Variants in JAK1 observed in about 807,000 individuals in gnomAD.
The protein encoded by JAK1 is Janus kinase 1.
A neutral mutation model predicts 136.6 loss-of-function variants in JAK1; 16 were observed. That is an observed-to-expected ratio of 0.12 (90% CI 0.08 to 0.18). JAK1 has a LOEUF of 0.18. Among genes scored for constraint, JAK1 ranks in the 10% least tolerant of loss-of-function variants. The pLI, the probability that JAK1 is intolerant of heterozygous loss-of-function variation, is 1.00. For missense variants in JAK1, 859 were observed against 1,450.1 expected, an observed-to-expected ratio of 0.59 and a Z score of 6.62; for synonymous variants, 492 against 519.5, an observed-to-expected ratio of 0.95 and a Z score of 0.72.
intron 1 of JAK1, among the ~76,000 whole-genome samples, chr1:64,936,799 C>T (rs1438609018): frequency 6.6e-6 from 1 of 152,096 alleles, no homozygotes; most frequent in Non-Finnish European, 1.5e-5. Context: ...GAGGCTAAGC[C>T]AACGTTTCTT....
rs1657212555 is a variant in JAK1, at chr1:64,873,610, C to G, written c.330-87G>C. 15 of 1,508,444 alleles carry G rather than the reference C, an allele frequency of 9.9e-6. No individual in the cohort carries two copies. In the Admixed American group the frequency reaches 2.6e-4, roughly 26 times the overall value. The allele number at this position is 1,508,444 out of a possible 1,614,324, so 93.4% of individuals were successfully genotyped here. A position where few individuals can be genotyped will look rare whatever the true frequency, so the allele number is the denominator to read the frequency against. The stretch of plus-strand genomic sequence containing the variant: ...CCTGGCTCACCAACAGTGGTCAGTG[C>G]CGGAGGCTGAAGTGCCCTGAGAAGC... On this transcript the variant is annotated intron_variant, in intron 4 of 24. Coordinates refer to ENST00000342505, the MANE Select transcript of JAK1 (RefSeq NM_002227.4).
intron 1 of JAK1, among the ~76,000 whole-genome samples, chr1:64,922,506 G>A (rs1408233277): frequency 6.6e-6 from 1 of 151,406 alleles, no homozygotes; most frequent in South Asian, 2.1e-4. Context: ...TTTTAAAGCT[G>A]ACTAGTAACA....
At chr1:64,936,179 G>A (rs573540564) in intron 1 of JAK1, among the ~76,000 whole-genome samples, 41 of 152,300 alleles carry the variant, frequency 2.7e-4, no homozygotes, top group Admixed American at 8.5e-4. Context: ...ACAGAGGAGA[G>A]GTGGAAGTTT....
intron 2 of JAK1, among the ~76,000 whole-genome samples, chr1:65,036,472 G>C (rs1019060571): frequency 6.6e-6 from 1 of 152,128 alleles, no homozygotes; most frequent in Non-Finnish European, 1.5e-5. Flanking sequence ...ACAAGGTATG[G>C]GCAGCAAAAG....
intron 24 of JAK1, 105 bp from the exon 25 acceptor site, chr1:64,834,762 T>C: frequency 1.4e-6 from 1 of 737,068 alleles, no homozygotes. Flanking sequence ...ATGCAATGAC[T>C]TTTCCTTAAA....
intron 1 of JAK1, among the ~76,000 whole-genome samples, chr1:64,928,777 G>GTAAAAAA (rs1645626252): frequency 1.3e-3 from 1 of 778 alleles, no homozygotes; most frequent in Admixed American, 0.012. Context: ...ATAAAACTCT[G>GTAAAAAA]CAAAAAAAAA....
intron 1 of JAK1, among the ~76,000 whole-genome samples, chr1:64,963,983 A>G (rs1050290423): frequency 2.0e-5 from 3 of 152,166 alleles, no homozygotes; most frequent in African/African-American, 7.2e-5. Flanking sequence ...GAAACTGCAA[A>G]TATCTCATTG....
intron 1 of JAK1, among the ~76,000 whole-genome samples, chr1:64,960,347 T>C (rs1646260400): frequency 6.6e-6 from 1 of 152,230 alleles, no homozygotes; most frequent in South Asian, 2.1e-4. Context: ...ACTGTCTTTA[T>C]TGTCATTCTA....
chr1:64,940,076 C>G (rs1182507717), intron 1 of JAK1, among the ~76,000 whole-genome samples: 2 of 151,736 alleles, frequency 1.3e-5, no homozygotes, highest in African/African-American at 4.9e-5. Flanking sequence ...GTCAACAAAC[C>G]TATAAATCCT....
At chr1:65,059,389 T>C (rs1647692106) in intron 1 of JAK1, among the ~76,000 whole-genome samples, 1 of 152,252 alleles carries the variant, frequency 6.6e-6, no homozygotes, top group Non-Finnish European at 1.5e-5. Context: ...AGTGGGGCTT[T>C]ATAATTAAGA....
chr1:65,001,226 G>A lies in JAK1; in HGVS notation c.-78+43254C>T, dbSNP rs375215139. On this transcript the variant is annotated intron_variant, in intron 2 of 25. Transcript: ENST00000671954. The stretch of plus-strand genomic sequence containing the variant: ...ACTTTTCAAGTGAATCCTAAAGCCT[G>A]TTTCCTTAATCTTCATAATTTTGGA... 1.9e-4 allele frequency among the ~76,000 whole-genome samples: 29 copies of A among 152,312 alleles called. 5 individuals are homozygous for A. Among genetic ancestry groups the A allele is most frequent in the Admixed American group, 3.3e-4 (5 of 15,304 alleles).
intron 2 of JAK1, among the ~76,000 whole-genome samples, chr1:65,037,935 C>T (rs1310652324): frequency 1.3e-5 from 2 of 152,124 alleles, no homozygotes; most frequent in Non-Finnish European, 2.9e-5. Flanking sequence ...CCACCCTCTG[C>T]TTGAACAACT....
intron 2 of JAK1, among the ~76,000 whole-genome samples, chr1:64,995,749 G>A (rs1462554718): frequency 6.6e-6 from 1 of 151,996 alleles, no homozygotes; most frequent in African/African-American, 2.4e-5. Context: ...GTTTTGTTTT[G>A]TTTTTGAAAC....
intron 1 of JAK1, among the ~76,000 whole-genome samples, chr1:65,049,977 G>A (rs1290013660): frequency 1.3e-5 from 2 of 152,162 alleles, no homozygotes; most frequent in Non-Finnish European, 2.9e-5. Context: ...GAAGGGTGGG[G>A]GCAATGTGAG....
intron 2 of JAK1, among the ~76,000 whole-genome samples, chr1:65,007,489 A>T (rs569471752): frequency 3.3e-5 from 5 of 151,986 alleles, no homozygotes; most frequent in South Asian, 2.1e-4. Flanking sequence ...ATGGAGTTTC[A>T]TGCTCTTGTT....
At chr1:64,878,594 T>TATATATAA (rs1644718546) in intron 4 of JAK1, among the ~76,000 whole-genome samples, 1 of 131,430 alleles carries the variant, frequency 7.6e-6, no homozygotes, top group Non-Finnish European at 1.8e-5. Context: ...TATATATATA[T>TATATATAA]ATATATATAT....
chr1:64,942,765 C>A (rs1157827801), intron 1 of JAK1, among the ~76,000 whole-genome samples: 2 of 152,124 alleles, frequency 1.3e-5, no homozygotes, highest in Non-Finnish European at 2.9e-5. Flanking sequence ...ATACTTTTTT[C>A]TCCTAAAATT....
In JAK1 at chr1:65,027,466, AT is replaced by A. The variant is rs146697233; in HGVS notation, c.-78+17013del. On this transcript the variant is annotated intron_variant, in intron 2 of 25. Transcript: ENST00000671954. ...AAGAAGCAGAGCAAAATCTCCTTAC[AT>A]GTATTTTTGTTCCGCTTCCTGTCAA... is the stretch of plus-strand genomic sequence containing the variant. 6.9e-3 allele frequency among the ~76,000 whole-genome samples: 1,044 copies of A among 152,072 alleles called. 6 individuals carry two copies. Among genetic ancestry groups the A allele is most frequent in the African/African-American group, 0.024 (1,009 of 41,482 alleles).
intron 1 of JAK1, among the ~76,000 whole-genome samples, chr1:64,921,635 A>C (rs562174620): frequency 6.6e-6 from 1 of 152,208 alleles, no homozygotes; most frequent in East Asian, 1.9e-4. Context: ...TAAAACCAAA[A>C]ACTGAGCTCT....
Sources: allele counts gnomAD v4.1 joint callset (sites outside exome capture counted in the v4.1 genomes callset), GRCh38; gene constraint gnomAD v4.1.1; transcripts MANE v1.5; gene names NCBI Gene and HGNC (gene_info 2026-07-23, HGNC 2026-07-21).